The following CCDC163 variants were observed in gnomAD, a reference collection of about 807,000 sequenced individuals.
The protein encoded by CCDC163 is transmembrane protein CCDC163.
A neutral mutation model predicts 8.2 loss-of-function variants in CCDC163; 13 were observed. The observed-to-expected ratio is 1.59, with a 90% CI of 1.04 to 2.54. CCDC163 has a LOEUF of 2.54. Ranked by LOEUF, CCDC163 falls within the 30% of genes most tolerant of loss-of-function variation. The pLI is 0.00. For synonymous variants in CCDC163, 41 were observed against 30.9 expected, an observed-to-expected ratio of 1.33 and a Z score of -1.08; for missense variants, 117 against 78.6, an observed-to-expected ratio of 1.49 and a Z score of -1.85.
intron 4 of CCDC163, among the ~76,000 whole-genome samples, chr1:45,495,810 G>A (rs1277193019): frequency 3.3e-5 from 5 of 151,924 alleles, no homozygotes; most frequent in Non-Finnish European, 5.9e-5. Flanking sequence ...GGGATTACAG[G>A]CACCCGCCAT....
intron 2 of CCDC163, among the ~76,000 whole-genome samples, chr1:45,497,852 G>A (rs1643381770): frequency 6.8e-6 from 1 of 146,970 alleles, no homozygotes; most frequent in Non-Finnish European, 1.5e-5. Flanking sequence ...GAGCCCCTCT[G>A]CCCGGCCACC....
At chr1:45,498,143 G>A (rs1045047237) in intron 2 of CCDC163, among the ~76,000 whole-genome samples, 7 of 151,706 alleles carry the variant, frequency 4.6e-5, no homozygotes, top group African/African-American at 9.7e-5. Flanking sequence ...GATTAAGGGC[G>A]GTGCAAGATG....
chr1:45,497,978 TGCC>T (rs1643394726), intron 2 of CCDC163, among the ~76,000 whole-genome samples: 1 of 148,526 alleles, frequency 6.7e-6, no homozygotes, highest in Non-Finnish European at 1.5e-5. Flanking sequence ...ATCGGATGGT[TGCC>T]GTGTCTGTGT....
At chr1:45,498,394 C>CCA (rs1643426596) in intron 2 of CCDC163, 2 of 104,298 alleles carry the variant, frequency 1.9e-5, no homozygotes, top group African/African-American at 6.8e-5. Flanking sequence ...AAAACAAACC[C>CCA]AAAAAAAAAA....
Position 45,494,956 on chromosome 1 carries a change from C to T in CCDC163, c.*103G>A. On this transcript the variant is annotated 3_prime_UTR_variant, in exon 5 of 5. Coordinates refer to ENST00000629482, the MANE Select transcript of CCDC163 (RefSeq NM_001102601.3). ...CAGTAGATAAGACAGATAATAGCTA[C>T]TTCAAGAAGGTAGGGGCGGGCAGCC... 1.3e-6 allele frequency: 1 copy of T among 745,334 alleles called. No homozygotes were observed. Among genetic ancestry groups the T allele is most frequent in the Non-Finnish European group, 2.5e-6 (1 of 402,022 alleles). The allele number at this position is 745,334 out of a possible 1,614,324, so 46.2% of individuals were successfully genotyped here.
intron 2 of CCDC163, among the ~76,000 whole-genome samples, chr1:45,497,761 G>A: frequency 2.2e-5 from 1 of 44,628 alleles, no homozygotes; most frequent in Admixed American, 2.8e-4. Flanking sequence ...GGAGGTGGGG[G>A]TGTCAGCCCC....
chr1:45,496,498 AG>A, intron 4 of CCDC163, 57 bp downstream of exon 4: 1 of 758,874 alleles, frequency 1.3e-6, no homozygotes, highest in Non-Finnish European at 2.5e-6. Context: ...GGATAGACAG[AG>A]AAAGGAAAGG....
chr1:45,497,173 G>A, intron 3 of CCDC163, 126 bp downstream of exon 3: 1 of 553,732 alleles, frequency 1.8e-6, no homozygotes, highest in Non-Finnish European at 3.2e-6. Context: ...GAGCGAGGCT[G>A]GGCAACAGAG....
At chr1:45,497,647 A>AC (rs1654300614) in intron 2 of CCDC163, among the ~76,000 whole-genome samples, 2 of 96,012 alleles carry the variant, frequency 2.1e-5, no homozygotes, top group Admixed American at 1.3e-4. Context: ...CCCGGCCGCC[A>AC]CCCCGTCTGG....
Position 45,494,147 on chromosome 1 carries a change from A to G in CCDC163, c.*912T>C, listed in dbSNP as rs1374331928. On this transcript the variant is annotated 3_prime_UTR_variant, in exon 5 of 5. Coordinates refer to ENST00000629482, the MANE Select transcript of CCDC163 (RefSeq NM_001102601.3). ...AGGATGATGTGTGGAGATGCCAAAG[A>G]GAGCCTCAAGCAGTAGAAGCTGGGG... The G allele has an allele frequency of 6.6e-6, 1 of 152,158 alleles. No individual in the cohort carries two copies. The highest frequency in any genetic ancestry group is 2.4e-5 in the African/African-American group (1 of 41,422). The allele number at this position is 152,158 out of a possible 1,614,324, so 9.4% of individuals were successfully genotyped here. A position where few individuals can be genotyped will look rare whatever the true frequency, so the allele number is the denominator to read the frequency against.
In CCDC163 at chr1:45,499,599, C is replaced by T. The variant is rs1643482707; in HGVS notation, c.11G>A (p.Ser4Asn). The change falls in exon 1 of 5, where the codon AGC becomes AAC. Residue 4 changes from serine (S) to asparagine (N), a missense_variant. Coordinates refer to ENST00000629482, the MANE Select transcript of CCDC163 (RefSeq NM_001102601.3). ...ATCCAGCTGCTCAAACCAGCTGAGGCTCGTATTCATATCCTGTGGCAGGGG... is the reference window on the plus strand; with the variant it reads ...ATCCAGCTGCTCAAACCAGCTGAGGTTCGTATTCATATCCTGTGGCAGGGG... MNT[S>N]LSWFEQLDVL... 1 of 772,000 alleles carries T rather than the reference C, an allele frequency of 1.3e-6. No individual in the cohort carries two copies. The highest frequency in any genetic ancestry group is 1.7e-5 in the Admixed American group (1 of 57,434). 47.8% of individuals were successfully genotyped at this position (772,000 alleles called of 1,614,324 possible). A position where few individuals can be genotyped will look rare whatever the true frequency, so the allele number is the denominator to read the frequency against.
chr1:45,497,247 C>T, intron 3 of CCDC163, 52 bp downstream of exon 3: 1 of 730,824 alleles, frequency 1.4e-6, no homozygotes, highest in Non-Finnish European at 2.5e-6. Context: ...GATGACTTTC[C>T]AGAAAAGGGG....
In CCDC163 at chr1:45,499,625, A is replaced by G. The variant is rs556610850; in HGVS notation, c.-16T>C. 2 of 754,766 alleles carry G rather than the reference A, an allele frequency of 2.6e-6. No homozygotes were observed. Among genetic ancestry groups the G allele is most frequent in the Admixed American group, 1.8e-5 (1 of 54,472 alleles). 46.8% of individuals were successfully genotyped at this position (754,766 alleles called of 1,614,324 possible). On this transcript the variant is annotated 5_prime_UTR_variant, in exon 1 of 5. Coordinates refer to ENST00000629482, the MANE Select transcript of CCDC163 (RefSeq NM_001102601.3). ...TCGTATTCATATCCTGTGGCAGGGG[A>G]GCGGCAGGGGTCTGGCTCCCTGGTG...
At position 45,497,310 on chromosome 1, in the gene CCDC163, T is replaced by C; in HGVS notation, c.251A>G (p.Gln84Arg). 1.3e-6 allele frequency: 1 copy of C among 780,074 alleles called. No homozygotes were observed. Among genetic ancestry groups the C allele is most frequent in the Non-Finnish European group, 2.4e-6 (1 of 417,428 alleles). 48.3% of individuals were successfully genotyped at this position (780,074 alleles called of 1,614,324 possible). ...EIMQKELKLLQYQLSQHQELL... is the reference protein window; with the variant it reads ...EIMQKELKLLRYQLSQHQELL... The stretch of plus-strand genomic sequence containing the variant: ...CACCTTTTACTTACTCAACTGGTAC[T>C]GCAGCAACTTCAATTCCTTCTGCAT... Residue 84 changes from glutamine to arginine, a missense_variant, in exon 3 of 5, where the codon CAG becomes CGG. Physicochemically the swap from Gln to Arg is conservative, Grantham distance 43. Transcript: ENST00000629482.
Position 45,497,345 on chromosome 1 carries a change from C to G in CCDC163, c.216G>C (p.Glu72Asp), listed in dbSNP as rs755568021. 1 of 780,242 alleles carries G rather than the reference C, an allele frequency of 1.3e-6. No individual in the cohort carries two copies. The highest frequency in any genetic ancestry group is 2.4e-5 in the East Asian group (1 of 41,206). The allele number at this position is 780,242 out of a possible 1,614,324, so 48.3% of individuals were successfully genotyped here. The change falls in exon 3 of 5, where the codon GAG becomes GAC. Residue 72 changes from glutamate (E) to aspartate (D), a missense_variant. By Grantham distance (45) the Glu-to-Asp change is conservative (BLOSUM62 2). Coordinates refer to ENST00000629482, the MANE Select transcript of CCDC163 (RefSeq NM_001102601.3). The part of the protein sequence containing the change: ...TAVTPAVLWE[E>D]SEIMQKELKL... ...TCAATTCCTTCTGCATAATCTCTGA[C>G]TCCTCCCACAGCACTGCAGGAGTGA...
chr1:45,497,682 C>G, intron 2 of CCDC163, among the ~76,000 whole-genome samples: 1 of 42,570 alleles, frequency 2.3e-5, no homozygotes, highest in Non-Finnish European at 4.6e-5. Flanking sequence ...CTCCGCCCGG[C>G]AGCCACCCCG....
In CCDC163 at chr1:45,495,686, A is replaced by G. The variant is rs562700155; in HGVS notation, c.331-520T>C. ...TTTTTTTTTTTTTTTTTTTTTTTTG[A>G]GATGGAGTCTCACTCTGTCACCCAA... On this transcript the variant is annotated intron_variant, in intron 4 of 4. Transcript: ENST00000629482. 255 of 437,824 alleles carry G rather than the reference A, an allele frequency of 5.8e-4. 2 individuals carry two copies. The Middle Eastern group carries it at 6.5e-3, about 11-fold the overall frequency. The allele number at this position is 437,824 out of a possible 1,614,324, so 27.1% of individuals were successfully genotyped here.
At chr1:45,497,726 CCAGG>C (rs1287984407) in intron 2 of CCDC163, among the ~76,000 whole-genome samples, 3 of 35,462 alleles carry the variant, frequency 8.5e-5, no homozygotes, top group East Asian at 6.4e-4. Context: ...CAGCCCCCCG[CCAGG>C]CCAGCCGCCC....
chr1:45,494,849 C>T lies in CCDC163; in HGVS notation c.*210G>A. 1.8e-6 allele frequency: 1 copy of T among 560,246 alleles called. No individual in the cohort carries two copies. The highest frequency in any genetic ancestry group is 3.2e-6 in the Non-Finnish European group (1 of 312,858). 34.7% of individuals were successfully genotyped at this position (560,246 alleles called of 1,614,324 possible). On this transcript the variant is annotated 3_prime_UTR_variant, in exon 5 of 5. Coordinates refer to ENST00000629482, the MANE Select transcript of CCDC163 (RefSeq NM_001102601.3). ...ATCCCAGCTACTTGGGAGGCTGAGG[C>T]AGGACAATTGCTTGAACCTGGGAGG...
Sources: gnomAD v4.1 joint callset for allele counts (sites outside exome capture counted in the v4.1 genomes callset) on GRCh38, gnomAD v4.1.1 for gene constraint, MANE v1.5 for transcripts, NCBI Gene and HGNC (gene_info 2026-07-23, HGNC 2026-07-21) for gene names.